The following LPCAT1 variants were observed in gnomAD, a reference collection of about 807,000 sequenced individuals.
LPCAT1 encodes 1-acylglycerol-3-phosphate O-acyltransferase.
LPCAT1 carries 23 observed loss-of-function variants against 60.9 expected under a neutral mutation model. That is an observed-to-expected ratio of 0.38 (90% confidence interval 0.27 to 0.53). LPCAT1 has a LOEUF of 0.53. Among genes scored for constraint, LPCAT1 ranks in the 20% least tolerant of loss-of-function variants. LPCAT1 has a pLI of 0.82. For missense variants in LPCAT1, 622 were observed against 723.6 expected (o/e 0.86, Z 1.61); for synonymous variants, 340 against 301.1 (o/e 1.13, Z -1.34).
At chr5:1,466,512 C>A (rs1292644301) in intron 13 of LPCAT1, among the ~76,000 whole-genome samples, 1 of 152,194 alleles carries the variant, frequency 6.6e-6, no homozygotes, top group Non-Finnish European at 1.5e-5. Flanking sequence ...CGGAACTGGG[C>A]TTGGAGTTTG....
chr5:1,490,984 C>T (rs1247341894), intron 3 of LPCAT1, among the ~76,000 whole-genome samples: 1 of 151,934 alleles, frequency 6.6e-6, no homozygotes, highest in East Asian at 1.9e-4. Flanking sequence ...CTTTTCTTAG[C>T]GTTTTTATTA....
At chr5:1,491,853 CATACATCTA>C (rs1735595668) in intron 3 of LPCAT1, among the ~76,000 whole-genome samples, 1 of 152,222 alleles carries the variant, frequency 6.6e-6, no homozygotes, top group African/African-American at 2.4e-5. Flanking sequence ...CATTGGTATT[CATACATCTA>C]AAAATGAAAA....
intron 13 of LPCAT1, among the ~76,000 whole-genome samples, chr5:1,464,583 CCAAA>C (rs778928959): frequency 1.3e-4 from 19 of 151,856 alleles, no homozygotes; most frequent in East Asian, 7.7e-4. Context: ...CACACGGTAA[CCAAA>C]CACACATGTG....
At chr5:1,489,117 C>A (rs1735475328) in intron 4 of LPCAT1, among the ~76,000 whole-genome samples, 1 of 152,184 alleles carries the variant, frequency 6.6e-6, no homozygotes, top group Admixed American at 6.5e-5. Context: ...CCAGGCAGGC[C>A]AAATGGGTGG....
chr5:1,523,811 G>A lies in LPCAT1; in HGVS notation c.34C>T (p.Pro12Ser). 4.6e-6 allele frequency: 5 copies of A among 1,092,654 alleles called. No individual in the cohort carries two copies. Among genetic ancestry groups the A allele is most frequent in the Non-Finnish European group, 5.6e-6 (5 of 899,394 alleles). The allele number at this position is 1,092,654 out of a possible 1,614,324, so 67.7% of individuals were successfully genotyped here. ...RLRGCGPRAA[P>S]ASSAGASDAR... ...TCGCTGGCCCCTGCGCTGGAGGCAG[G>A]GGCGGCCCGGGGTCCGCATCCCCGC... Residue 12 changes from proline (P) to serine (S), a missense_variant, in exon 1 of 14, where the codon CCT (proline) becomes TCT (serine). By Grantham distance (74) the Pro-to-Ser change is moderately conservative. This residue lies in a region of LPCAT1 where 125 missense variants were observed against 114.5 expected (regional missense o/e 1.09). Transcript: ENST00000283415. The surrounding 1 kb of genome is among the most constrained non-coding windows in gnomAD (Gnocchi z 7.1).
rs1215180957 is a variant in LPCAT1, at chr5:1,487,751, C to T, written c.667+640G>A. 6.6e-6 allele frequency among the ~76,000 whole-genome samples: 1 copy of T among 152,126 alleles called. No homozygotes were observed. Among genetic ancestry groups the T allele is most frequent in the Non-Finnish European group, 1.5e-5 (1 of 68,024 alleles). ...TTCTAAAGTAGCCCAAGGGAGACGA[C>T]AGGATCCAGGTGGACCCTCTGACAC... On this transcript the variant is annotated intron_variant, in intron 5 of 13. Coordinates refer to ENST00000283415, the MANE Select transcript of LPCAT1 (RefSeq NM_024830.5). The surrounding 1 kb of genome is among the most constrained non-coding windows in gnomAD (Gnocchi z 6.1).
chr5:1,485,150 C>T (rs1735324068), intron 5 of LPCAT1, among the ~76,000 whole-genome samples: 1 of 152,178 alleles, frequency 6.6e-6, no homozygotes, highest in Non-Finnish European at 1.5e-5. Flanking sequence ...GACCATGTGT[C>T]AAGGGGACAT....
At position 1,480,908 on chromosome 5, in the gene LPCAT1, C is replaced by A. The variant is rs747702291; in HGVS notation, c.761+34G>T. 1.2e-6 allele frequency: 2 copies of A among 1,613,464 alleles called. No homozygotes were observed. The highest frequency in any genetic ancestry group is 1.7e-6 in the Non-Finnish European group (2 of 1,179,802). ...CAGCCCCTACGTGTTCATGGAACAACAGGACAAAGAGGACGACACGGCGTT... is the reference window on the plus strand; with the variant it reads ...CAGCCCCTACGTGTTCATGGAACAAAAGGACAAAGAGGACGACACGGCGTT... On this transcript the variant is annotated intron_variant, in intron 7 of 13. Coordinates refer to ENST00000283415, the MANE Select transcript of LPCAT1 (RefSeq NM_024830.5). This position sits in a 1 kb window ranked among gnomAD's most constrained non-coding sequence, Gnocchi z 6.4.
At chr5:1,490,655 C>T (rs920479250) in intron 3 of LPCAT1, among the ~76,000 whole-genome samples, 6 of 152,210 alleles carry the variant, frequency 3.9e-5, no homozygotes, top group African/African-American at 1.4e-4. Context: ...ACCATGGCAC[C>T]CCACAGCCTC....
In LPCAT1 at chr5:1,494,829, C is replaced by T; in HGVS notation, c.364G>A (p.Ala122Thr). 1.9e-6 allele frequency: 3 copies of T among 1,613,636 alleles called. No homozygotes were observed. Among genetic ancestry groups the T allele is most frequent in the Non-Finnish European group, 1.7e-6 (2 of 1,179,884 alleles). The change falls in exon 3 of 14, where the codon GCG becomes ACG. Residue 122 changes from alanine to threonine, a missense_variant. Physicochemically the swap from Ala to Thr is moderately conservative, Grantham distance 58 (BLOSUM62 0). Coordinates refer to ENST00000283415, the MANE Select transcript of LPCAT1 (RefSeq NM_024830.5). ...AGGATGGCCGCCTCGGTGGGCAGCG[C>T]CTGCCGCCCCTTCACGGCCACCCGG... Reference protein sequence around the residue: ...FHRVAVKGRQALPTEAAILTL... With the variant: ...FHRVAVKGRQTLPTEAAILTL...
In LPCAT1 at chr5:1,502,917, G is replaced by A. The variant is rs1433962204; in HGVS notation, c.136-1314C>T. Among the ~76,000 whole-genome samples the A allele has an allele frequency of 6.6e-6, 1 of 152,166 alleles. No individual in the cohort carries two copies. The highest frequency in any genetic ancestry group is 1.5e-5 in the Non-Finnish European group (1 of 68,040). On this transcript the variant is annotated intron_variant, in intron 1 of 13. Coordinates refer to ENST00000283415, the MANE Select transcript of LPCAT1 (RefSeq NM_024830.5). This position sits in a 1 kb window ranked among gnomAD's most constrained non-coding sequence, Gnocchi z 5.5. Reference sequence around the variant, plus strand: ...TCGAGTGGCCACATTTAAAGGGAATGACAATTTAATATACAGCTCATTTCG... The same window carrying A: ...TCGAGTGGCCACATTTAAAGGGAATAACAATTTAATATACAGCTCATTTCG...
intron 2 of LPCAT1, among the ~76,000 whole-genome samples, chr5:1,499,060 C>T (rs36987): frequency 0.34 from 51,165 of 152,200 alleles, 9,429 homozygotes; most frequent in Non-Finnish European, 0.42. Flanking sequence ...CGGGACACTT[C>T]ACACGTGCAT....
chr5:1,476,724 T>C lies in LPCAT1; in HGVS notation c.899+680A>G, dbSNP rs1314786431. The stretch of plus-strand genomic sequence containing the variant: ...AGGGAGGCATTCACGTGGGGGTAAA[T>C]CCAGGTGGGAGGACCTGGTTGCAAG... On this transcript the variant is annotated intron_variant, in intron 9 of 13. Coordinates refer to ENST00000283415, the MANE Select transcript of LPCAT1 (RefSeq NM_024830.5). The surrounding 1 kb of genome is among the most constrained non-coding windows in gnomAD (Gnocchi z 8.6). Among the ~76,000 whole-genome samples, 1 of 151,024 alleles carries C rather than the reference T, an allele frequency of 6.6e-6. No individual in the cohort carries two copies. The highest frequency in any genetic ancestry group is 1.5e-5 in the Non-Finnish European group (1 of 67,796).
intron 3 of LPCAT1, among the ~76,000 whole-genome samples, chr5:1,490,480 G>A (rs892378914): frequency 6.6e-6 from 1 of 152,228 alleles, no homozygotes; most frequent in Admixed American, 6.5e-5. Context: ...AGGAGGATGT[G>A]GCCACAGCCC....
intron 1 of LPCAT1, among the ~76,000 whole-genome samples, chr5:1,518,391 A>C (rs1235467024): frequency 6.6e-6 from 1 of 152,198 alleles, no homozygotes; most frequent in Non-Finnish European, 1.5e-5. Context: ...CCCAGGCTGG[A>C]GTGCAGTGGT....
intron 1 of LPCAT1, among the ~76,000 whole-genome samples, chr5:1,509,885 A>T (rs1479698071): frequency 1.3e-5 from 2 of 152,190 alleles, no homozygotes; most frequent in Admixed American, 1.3e-4. Context: ...AGCCCGAGGC[A>T]CGGCCCGCAC....
At chr5:1,507,767 C>T (rs1026238142) in intron 1 of LPCAT1, among the ~76,000 whole-genome samples, 6 of 152,226 alleles carry the variant, frequency 3.9e-5, no homozygotes, top group African/African-American at 9.6e-5. Context: ...CAGCCAATGC[C>T]GAGCCTGGTG....
chr5:1,463,815 C>G lies in LPCAT1; in HGVS notation c.1441G>C (p.Glu481Gln). 6.2e-7 allele frequency: 1 copy of G among 1,614,198 alleles called. No homozygotes were observed. Among genetic ancestry groups the G allele is most frequent in the East Asian group, 2.2e-5 (1 of 44,884 alleles). Residue 481 changes from glutamate to glutamine, a missense_variant, in exon 14 of 14, where the codon GAA becomes CAA. This residue lies in a region of LPCAT1 where 288 missense variants were observed against 283.6 expected (regional missense o/e 1.02). Coordinates refer to ENST00000283415, the MANE Select transcript of LPCAT1 (RefSeq NM_024830.5). ...ITFADFHRFA[E>Q]MYPAFAEEYL... ...TCCTCTGCGAAGGCAGGGTACATTT[C>G]TGCAAACCTGTGGAAGTCAGCTGGA...
chr5:1,510,425 C>T (rs1736321866), intron 1 of LPCAT1, among the ~76,000 whole-genome samples: 1 of 152,240 alleles, frequency 6.6e-6, no homozygotes, highest in South Asian at 2.1e-4. Flanking sequence ...GAGGCTCTTG[C>T]CTGCGAGATG....
Sources: gnomAD v4.1 joint callset for allele counts (sites outside exome capture counted in the v4.1 genomes callset) on GRCh38, gnomAD v4.1.1 for gene constraint, gnomAD v4.1.1 regional missense constraint, Gnocchi (gnomAD v3.1) non-coding constraint, MANE v1.5 for transcripts, NCBI Gene and HGNC (gene_info 2026-07-23, HGNC 2026-07-21) for gene names.